PPP2R3A: variants seen among roughly 807,000 people sequenced by gnomAD.
The protein encoded by PPP2R3A is protein phosphatase 2 regulatory subunit B''alpha, also known as serine/threonine-protein phosphatase 2A regulatory subunit B'' subunit alpha.
PPP2R3A carries 80 observed loss-of-function variants against 106.9 expected under a neutral mutation model. The ratio of observed to expected loss-of-function variants is 0.75; its 90% CI spans 0.62 to 0.90. PPP2R3A has a LOEUF of 0.90. PPP2R3A is among the 40% of genes least tolerant of loss of function. PPP2R3A has a pLI of 0.00. For synonymous variants in PPP2R3A, 483 were observed against 468.3 expected (o/e 1.03, Z -0.41); for missense variants, 1,386 against 1,350.4 (o/e 1.03, Z -0.41).
At chr3:136,127,643 A>T (rs953654400) in intron 13 of PPP2R3A, among the ~76,000 whole-genome samples, 2 of 152,192 alleles carry the variant, frequency 1.3e-5, no homozygotes, top group Non-Finnish European at 2.9e-5. Flanking sequence ...CCAACATTCA[A>T]ATTCAGGAAA....
chr3:136,055,907 A>G (rs891310303), intron 5 of PPP2R3A: 5 of 383,368 alleles, frequency 1.3e-5, no homozygotes, highest in African/African-American at 6.1e-5. Flanking sequence ...AGAGTAGGCT[A>G]TGCATAGTGA....
intron 9 of PPP2R3A, 61 bp downstream of exon 9, chr3:136,087,992 A>C: frequency 3.1e-3 from 4,203 of 1,356,488 alleles, no homozygotes; most frequent in Non-Finnish European, 4.0e-3. Context: ...TAACCATCTC[A>C]TTTTAGCAAA....
intron 10 of PPP2R3A, among the ~76,000 whole-genome samples, chr3:136,096,881 G>A (rs1294697857): frequency 6.6e-6 from 1 of 152,180 alleles, no homozygotes; most frequent in Non-Finnish European, 1.5e-5. Context: ...CTTGAACCCG[G>A]GGGTTGGGGA....
At chr3:136,109,849 C>T (rs182633295) in intron 13 of PPP2R3A, among the ~76,000 whole-genome samples, 3 of 152,190 alleles carry the variant, frequency 2.0e-5, no homozygotes, top group Admixed American at 1.3e-4. Context: ...AGCTTAGATT[C>T]TTCATAGTAG....
At chr3:135,970,180 G>A (rs997025953) in intron 1 of PPP2R3A, among the ~76,000 whole-genome samples, 2 of 152,200 alleles carry the variant, frequency 1.3e-5, no homozygotes, top group South Asian at 4.1e-4. Context: ...CACTGACAGA[G>A]ATTAAGAAAA....
intron 13 of PPP2R3A, among the ~76,000 whole-genome samples, chr3:136,137,644 C>T (rs185215855): frequency 1.3e-5 from 2 of 150,050 alleles, no homozygotes; most frequent in Admixed American, 6.7e-5. Context: ...CAGGTTCAGG[C>T]CATTCTCCTG....
chr3:136,124,502 A>G (rs2108005934), intron 13 of PPP2R3A, among the ~76,000 whole-genome samples: 1 of 152,264 alleles, frequency 6.6e-6, no homozygotes, highest in South Asian at 2.1e-4. Context: ...AAGAAAACAT[A>G]TGGGATGTTT....
chr3:135,999,715 TC>T (rs1383955139), intron 1 of PPP2R3A, among the ~76,000 whole-genome samples: 1 of 152,182 alleles, frequency 6.6e-6, no homozygotes, highest in East Asian at 1.9e-4. Flanking sequence ...ATCCCCTTTT[TC>T]TTTCTCAGCA....
At chr3:136,070,864 A>C (rs1936408676) in intron 6 of PPP2R3A, among the ~76,000 whole-genome samples, 3 of 152,264 alleles carry the variant, frequency 2.0e-5, no homozygotes, top group South Asian at 2.1e-4. Context: ...AAGACTGAAA[A>C]GAATTTTCAA....
chr3:135,995,242 AAGT>A, intron 1 of PPP2R3A, among the ~76,000 whole-genome samples: 1 of 152,260 alleles, frequency 6.6e-6, no homozygotes, highest in East Asian at 1.9e-4. Flanking sequence ...ATGATTTTGC[AAGT>A]AGTCTGTTGT....
At chr3:136,003,783 T>C (rs1213831468) in intron 2 of PPP2R3A, among the ~76,000 whole-genome samples, 4 of 152,160 alleles carry the variant, frequency 2.6e-5, no homozygotes, top group African/African-American at 9.7e-5. Context: ...TTACCTTTAA[T>C]ATCCTCATCT....
At position 136,001,902 on chromosome 3, in the gene PPP2R3A, C is replaced by G. The variant is rs762879947; in HGVS notation, c.404C>G (p.Ser135Cys). Residue 135 changes from serine to cysteine, a missense_variant, in exon 2 of 14, where the codon TCT becomes TGT. Coordinates refer to ENST00000264977, the MANE Select transcript of PPP2R3A (RefSeq NM_002718.5). ...TTTTCCTTTGAAAAACTCAAAAACT[C>G]TAACCATGCAGCTTACAGAAAGGGA... is the stretch of plus-strand genomic sequence containing the variant. ...KEFSFEKLKN[S>C]NHAAYRKGRK... The G allele has an allele frequency of 1.8e-5, 29 of 1,614,148 alleles. No individual in the cohort carries two copies. The highest frequency in any genetic ancestry group is 2.2e-5 in the Non-Finnish European group (26 of 1,180,024).
chr3:136,083,566 A>G (rs1936847527), intron 8 of PPP2R3A, among the ~76,000 whole-genome samples: 1 of 152,202 alleles, frequency 6.6e-6, no homozygotes, highest in Non-Finnish European at 1.5e-5. Flanking sequence ...GAACAGACTA[A>G]TATAGTAAAT....
Position 136,078,383 on chromosome 3 carries a change from T to C in PPP2R3A, c.2561T>C (p.Phe854Ser). 2 of 1,607,752 alleles carry C rather than the reference T, an allele frequency of 1.2e-6. No individual in the cohort carries two copies. The highest frequency in any genetic ancestry group is 1.7e-6 in the Non-Finnish European group (2 of 1,175,986). Reference sequence around the variant, plus strand: ...TGGAACCAGGTTATTCAGAGAATATTCTACACAGTCAACAGATCTTGGAGT... The same window carrying C: ...TGGAACCAGGTTATTCAGAGAATATCCTACACAGTCAACAGATCTTGGAGT... ...RYITTVIQRI[F>S]YTVNRSWSGK... is the part of the protein sequence containing the mutation. The change falls in exon 7 of 14, where the codon TTC becomes TCC. Residue 854 changes from phenylalanine to serine, a missense_variant. Transcript: ENST00000264977.
chr3:136,128,083 T>G (rs559478952), intron 13 of PPP2R3A, among the ~76,000 whole-genome samples: 77 of 152,228 alleles, frequency 5.1e-4, no homozygotes, highest in Non-Finnish European at 3.5e-4. Flanking sequence ...AGACCATCGA[T>G]GCTATGAAGA....
At chr3:136,058,304 A>C (rs1191781871) in intron 5 of PPP2R3A, among the ~76,000 whole-genome samples, 1 of 152,200 alleles carries the variant, frequency 6.6e-6, no homozygotes, top group African/African-American at 2.4e-5. Context: ...TTAAGCTGAT[A>C]AACAACTTCA....
In PPP2R3A at chr3:136,001,676, G is replaced by A; in HGVS notation, c.178G>A (p.Val60Met). 6.2e-7 allele frequency: 1 copy of A among 1,614,100 alleles called. No individual in the cohort carries two copies. The highest frequency in any genetic ancestry group is 8.5e-7 in the Non-Finnish European group (1 of 1,180,020). Residue 60 changes from valine to methionine, a missense_variant, in exon 2 of 14, where the codon GTG becomes ATG. Coordinates refer to ENST00000264977, the MANE Select transcript of PPP2R3A (RefSeq NM_002718.5). ...TTGTGCAGACCTCTTGCACATCCCTGTGTCTCAGTTCAAAGATGCAGATCT... is the reference window on the plus strand; with the variant it reads ...TTGTGCAGACCTCTTGCACATCCCTATGTCTCAGTTCAAAGATGCAGATCT... ...SVCADLLHIP[V>M]SQFKDADLNS...
Position 136,040,888 on chromosome 3 carries a change from C to T in PPP2R3A, c.2292C>T (p.Ala764=). The T allele has an allele frequency of 6.2e-7, 1 of 1,613,270 alleles. No homozygotes were observed. Among genetic ancestry groups the T allele is most frequent in the Non-Finnish European group, 8.5e-7 (1 of 1,179,694 alleles). ...GTGGCTGTCCTCTCTATTGGAAAGC[C>T]CCCATGTTCAGGGCTGCAGGGGGAG... is the stretch of plus-strand genomic sequence containing the variant. ...KVCGCPLYWK[A]PMFRAAGGEK... Residue 764 remains alanine, a synonymous_variant, in exon 4 of 14, where the codon GCC becomes GCT. Transcript: ENST00000264977.
At position 136,102,194 on chromosome 3, in the gene PPP2R3A, C is replaced by G; in HGVS notation, c.3103+12C>G. ...GCCAGCTGTTGATGGTGAGACCAAG[C>G]AATGGGACAGATGCACTGTTCACCT... On this transcript the variant is annotated intron_variant, in intron 11 of 13. Coordinates refer to ENST00000264977, the MANE Select transcript of PPP2R3A (RefSeq NM_002718.5). 3 of 1,612,078 alleles carry G rather than the reference C, an allele frequency of 1.9e-6. No individual in the cohort carries two copies. Among genetic ancestry groups the G allele is most frequent in the Middle Eastern group, 2.0e-4 (1 of 4,890 alleles).
Sources: gnomAD v4.1 joint callset for allele counts (sites outside exome capture counted in the v4.1 genomes callset) on GRCh38, gnomAD v4.1.1 for gene constraint, MANE v1.5 for transcripts, NCBI Gene and HGNC (gene_info 2026-07-23, HGNC 2026-07-21) for gene names.